Variants in EDAR observed in about 807,000 individuals in gnomAD.
The protein encoded by EDAR is ectodysplasin A receptor.
In EDAR, 38 loss-of-function variants were observed where a neutral mutation model predicts 51.3. The ratio of observed to expected loss-of-function variants is 0.74; its 90% CI spans 0.57 to 0.97. The LOEUF (loss-of-function observed/expected upper bound fraction) is 0.97, where lower values mean the gene tolerates loss of function less well. Ranked by LOEUF, EDAR falls within the 50% of genes least tolerant of loss-of-function variation. EDAR has a pLI of 0.00. For missense variants in EDAR, 528 were observed against 595.0 expected (o/e 0.89, Z 1.17); for synonymous variants, 227 against 242.1 (o/e 0.94, Z 0.58).
intron 2 of EDAR, among the ~76,000 whole-genome samples, 200 bp downstream of exon 2, chr2:108,930,764 G>A (rs1319657904): frequency 6.6e-6 from 1 of 152,204 alleles, no homozygotes; most frequent in Non-Finnish European, 1.5e-5. Context: ...TATGAAGGGA[G>A]CTACCAACGA....
chr2:108,913,653 T>C (rs1574374493), intron 5 of EDAR, among the ~76,000 whole-genome samples: 1 of 152,158 alleles, frequency 6.6e-6, no homozygotes, highest in South Asian at 2.1e-4. Context: ...AGGCTGGTGA[T>C]AAAAGTGTAT....
intron 11 of EDAR, among the ~76,000 whole-genome samples, chr2:108,904,483 G>A (rs553637216): frequency 3.3e-5 from 5 of 152,278 alleles, no homozygotes; most frequent in African/African-American, 7.2e-5. Context: ...GATAAATCAC[G>A]ACTGATGTCC....
chr2:108,971,225 T>C (rs943531197), intron 1 of EDAR, among the ~76,000 whole-genome samples: 4 of 152,124 alleles, frequency 2.6e-5, no homozygotes, highest in Non-Finnish European at 4.4e-5. Context: ...CATCTTTATA[T>C]TTTTATATCT....
intron 1 of EDAR, among the ~76,000 whole-genome samples, chr2:108,954,820 C>T (rs975717159): frequency 3.3e-5 from 5 of 152,128 alleles, no homozygotes; most frequent in South Asian, 4.2e-4. Context: ...GTATTACAGG[C>T]GCCCGCCACC....
At chr2:108,898,377 A>C (rs929362748) in intron 11 of EDAR, among the ~76,000 whole-genome samples, 1 of 152,194 alleles carries the variant, frequency 6.6e-6, no homozygotes, top group African/African-American at 2.4e-5. Context: ...CTTGAGTGTT[A>C]GTGAAGGTTG....
At chr2:108,976,727 A>G (rs1369110444) in intron 1 of EDAR, among the ~76,000 whole-genome samples, 1 of 152,090 alleles carries the variant, frequency 6.6e-6, no homozygotes, top group Non-Finnish European at 1.5e-5. Context: ...TTGTTGCTCA[A>G]ATTGTCTCAG....
chr2:108,903,497 T>C (rs535250025), intron 11 of EDAR, among the ~76,000 whole-genome samples: 23 of 152,260 alleles, frequency 1.5e-4, no homozygotes, highest in African/African-American at 5.5e-4. Context: ...TTATATGTTA[T>C]TACATAATTT....
chr2:108,950,227 T>C (rs1375463724), intron 1 of EDAR, among the ~76,000 whole-genome samples: 3 of 134,726 alleles, frequency 2.2e-5, no homozygotes, highest in Non-Finnish European at 3.3e-5. Context: ...CTCCCTTCCT[T>C]CCTCCCTCCC....
chr2:108,934,596 C>T (rs1697431212), intron 1 of EDAR, among the ~76,000 whole-genome samples: 2 of 152,148 alleles, frequency 1.3e-5, no homozygotes, highest in African/African-American at 4.8e-5. Flanking sequence ...TCTGGGAAGT[C>T]CAAGAGCGAC....
At chr2:108,902,277 G>A (rs950599066) in intron 11 of EDAR, among the ~76,000 whole-genome samples, 10 of 152,088 alleles carry the variant, frequency 6.6e-5, no homozygotes, top group Admixed American at 5.2e-4. Flanking sequence ...TTGGGAGGCT[G>A]AGGCAAGAGA....
At chr2:108,943,704 T>G (rs535818746) in intron 1 of EDAR, among the ~76,000 whole-genome samples, 2 of 152,248 alleles carry the variant, frequency 1.3e-5, no homozygotes, top group African/African-American at 4.8e-5. Flanking sequence ...TCTTGGCTCT[T>G]TCTTGGTGGC....
intron 1 of EDAR, among the ~76,000 whole-genome samples, chr2:108,953,385 C>T (rs1468669570): frequency 6.6e-6 from 1 of 152,142 alleles, no homozygotes; most frequent in Non-Finnish European, 1.5e-5. Flanking sequence ...TCCTGTTCCA[C>T]AAATTGTAGA....
chr2:108,925,233 G>A (rs1697230297), intron 4 of EDAR, among the ~76,000 whole-genome samples: 1 of 152,208 alleles, frequency 6.6e-6, no homozygotes, highest in Non-Finnish European at 1.5e-5. Flanking sequence ...AAGGATGATT[G>A]TCTGTAAACA....
intron 5 of EDAR, among the ~76,000 whole-genome samples, chr2:108,917,532 T>C (rs1432360232): frequency 1.3e-5 from 2 of 152,210 alleles, no homozygotes; most frequent in Non-Finnish European, 2.9e-5. Context: ...CATAAACATG[T>C]GCAATTATTA....
chr2:108,968,334 CT>C (rs984585682), intron 1 of EDAR, among the ~76,000 whole-genome samples: 8 of 152,086 alleles, frequency 5.3e-5, no homozygotes, highest in Non-Finnish European at 7.4e-5. Flanking sequence ...GTCTTCAAGC[CT>C]TTTTTTGTTT....
intron 1 of EDAR, among the ~76,000 whole-genome samples, chr2:108,960,052 C>T (rs531309102): frequency 4.5e-4 from 68 of 152,250 alleles, no homozygotes; most frequent in African/African-American, 1.5e-3. Context: ...GAAAGCAGTG[C>T]CCTCCAAAGA....
At chr2:108,953,772 T>C (rs1574402061) in intron 1 of EDAR, among the ~76,000 whole-genome samples, 1 of 152,130 alleles carries the variant, frequency 6.6e-6, no homozygotes, top group African/African-American at 2.4e-5. Context: ...AACTGGCAGG[T>C]GGAGAGGCCA....
At chr2:108,921,255 C>A (rs910428247) in intron 5 of EDAR, among the ~76,000 whole-genome samples, 1 of 152,144 alleles carries the variant, frequency 6.6e-6, no homozygotes, top group African/African-American at 2.4e-5. Flanking sequence ...GAGACCCTGA[C>A]ACTGACCTGG....
intron 5 of EDAR, among the ~76,000 whole-genome samples, chr2:108,918,119 G>C: frequency 6.6e-6 from 1 of 152,210 alleles, no homozygotes; most frequent in Admixed American, 6.5e-5. Context: ...GGTCTGGGCT[G>C]ATCCTCTTCC....
Sources: gnomAD v4.1 joint callset for allele counts (sites outside exome capture counted in the v4.1 genomes callset) on GRCh38, gnomAD v4.1.1 for gene constraint, MANE v1.5 for transcripts, NCBI Gene and HGNC (gene_info 2026-07-23, HGNC 2026-07-21) for gene names.